Variants in NKX2-2 observed in about 807,000 individuals in gnomAD.
The protein encoded by NKX2-2 is NK2 homeobox 2.
A neutral mutation model predicts 24.6 loss-of-function variants in NKX2-2; 8 were observed. That is an observed-to-expected ratio of 0.32 (90% CI 0.19 to 0.59). The LOEUF is 0.59. Ranked by LOEUF, NKX2-2 falls within the 20% of genes least tolerant of loss-of-function variation. The pLI is 0.86. For missense variants in NKX2-2, 381 were observed against 373.9 expected (o/e 1.02, Z -0.16); for synonymous variants, 217 against 173.3 (o/e 1.25, Z -1.98).
Position 21,512,059 on chromosome 20 carries a change from T to G in NKX2-2, c.686A>C (p.Gln229Pro). 1 of 1,613,790 alleles carries G rather than the reference T, an allele frequency of 6.2e-7. No individual in the cohort carries two copies. Among genetic ancestry groups the G allele is most frequent in the Non-Finnish European group, 8.5e-7 (1 of 1,179,934 alleles). The change falls in exon 2 of 2, where the codon CAG (glutamine) becomes CCG (proline). Residue 229 changes from glutamine to proline, a missense_variant. Gln to Pro is a moderately conservative substitution (Grantham distance 76). Transcript: ENST00000377142. ...GTAGGCAGAAAAGGGAATGCCCGCCTGGAAGGTGGCGGCTGCCAGGTCCTG... is the reference window on the plus strand; with the variant it reads ...GTAGGCAGAAAAGGGAATGCCCGCCGGGAAGGTGGCGGCTGCCAGGTCCTG... ...KAQDLAAATF[Q>P]AGIPFSAYSA... is the part of the protein sequence containing the mutation.
chr20:21,519,178 A>G, the NKX2-2 span, among the ~76,000 whole-genome samples: 3 of 152,202 alleles, frequency 2.0e-5, no homozygotes, highest in Admixed American at 6.5e-5. Context: ...TGGAAACACT[A>G]ATTTGTTTGA....
Position 21,511,257 on chromosome 20 carries a change from A to AAAAACAAAAAACAAAAAC in NKX2-2, c.*665_*666insGTTTTTGTTTTTTGTTTT. ...AGAAAGCAGGGGAAAACGCAAAAAC[A>AAAAACAAAAAACAAAAAC]AAAACAAAACAAAAAACAAACCCAA... is the stretch of plus-strand genomic sequence containing the variant. On this transcript the variant is annotated 3_prime_UTR_variant, in exon 2 of 2. Transcript: ENST00000377142. 6.6e-6 allele frequency: 1 copy of AAAAACAAAAAACAAAAAC among 152,604 alleles called. No homozygotes were observed. Among genetic ancestry groups the AAAAACAAAAAACAAAAAC allele is most frequent in the African/African-American group, 2.4e-5 (1 of 41,442 alleles). The allele number at this position is 152,604 out of a possible 1,614,324, so 9.5% of individuals were successfully genotyped here.
rs1323083068 is a variant in NKX2-2, at chr20:21,512,199, C to T, written c.546G>A (p.Lys182=). ...VKIWFQNHRY[K]MKRARAEKGM... is the part of the protein sequence containing the mutation. Reference sequence around the variant, plus strand: ...CTTTCTCGGCCCGGGCGCGCTTCATCTTGTAGCGGTGGTTCTGGAACCAGA... The same window carrying T: ...CTTTCTCGGCCCGGGCGCGCTTCATTTTGTAGCGGTGGTTCTGGAACCAGA... Residue 182 remains lysine (K), a synonymous_variant, in exon 2 of 2, where the codon AAG becomes AAA. Transcript: ENST00000377142. 4 of 1,614,002 alleles carry T rather than the reference C, an allele frequency of 2.5e-6. No homozygotes were observed. Among genetic ancestry groups the T allele is most frequent in the Non-Finnish European group, 3.4e-6 (4 of 1,179,944 alleles).
At chr20:21,515,019 C>A (rs1441908272), upstream of NKX2-2, among the ~76,000 whole-genome samples, 1 of 151,818 alleles carries the variant, frequency 6.6e-6, no homozygotes, top group Non-Finnish European at 1.5e-5. Flanking sequence ...AAGGAGGACG[C>A]GCAGTTCACT....
At position 21,513,750 on chromosome 20, in the gene NKX2-2, G is replaced by C. The variant is rs1980528718; in HGVS notation, c.-81C>G. 8.4e-7 allele frequency: 1 copy of C among 1,193,266 alleles called. No individual in the cohort carries two copies. The highest frequency in any genetic ancestry group is 1.6e-5 in the African/African-American group (1 of 63,222). 73.9% of individuals were successfully genotyped at this position (1,193,266 alleles called of 1,614,324 possible). ...TGGCGCTCCCCTGCCCCGGCGGGCG[G>C]GGGAGGGGGGAGTTGGGGGGAGGGA... On this transcript the variant is annotated 5_prime_UTR_variant, in exon 1 of 2. Coordinates refer to ENST00000377142, the MANE Select transcript of NKX2-2 (RefSeq NM_002509.4). This position sits in a 1 kb window ranked among gnomAD's most constrained non-coding sequence, Gnocchi z 4.6.
the NKX2-2 span, among the ~76,000 whole-genome samples, chr20:21,522,654 T>C: frequency 6.6e-6 from 1 of 151,294 alleles, no homozygotes; most frequent in Non-Finnish European, 1.5e-5. Flanking sequence ...GGCTGCGGAG[T>C]CGCGGGCGGT....
At chr20:21,516,434 CG>C (rs1436207047), upstream of NKX2-2, among the ~76,000 whole-genome samples, 6 of 149,776 alleles carry the variant, frequency 4.0e-5, no homozygotes, top group African/African-American at 1.5e-4. Flanking sequence ...TCTTTCTCAG[CG>C]CCCCCCCTCC....
intron 1 of NKX2-2, among the ~76,000 whole-genome samples, chr20:21,512,967 G>A (rs1980497289): frequency 1.3e-5 from 2 of 152,148 alleles, no homozygotes; most frequent in African/African-American, 2.4e-5. Context: ...CTATGATCGC[G>A]CAGGGGGCAG....
At position 21,513,399 on chromosome 20, in the gene NKX2-2, T is replaced by C; in HGVS notation, c.259+12A>G. On this transcript the variant is annotated intron_variant, in intron 1 of 1. Coordinates refer to ENST00000377142, the MANE Select transcript of NKX2-2 (RefSeq NM_002509.4). This position sits in a 1 kb window ranked among gnomAD's most constrained non-coding sequence, Gnocchi z 4.6. ...GGGACCACGGCCTCGGCAGCCAAGT[T>C]TTGCTACTTACGGGAGTACTGAAGG... is the stretch of plus-strand genomic sequence containing the variant. 1 of 1,516,586 alleles carries C rather than the reference T, an allele frequency of 6.6e-7. No homozygotes were observed. Among genetic ancestry groups the C allele is most frequent in the African/African-American group, 1.4e-5 (1 of 70,894 alleles). The allele number at this position is 1,516,586 out of a possible 1,614,324, so 93.9% of individuals were successfully genotyped here.
At position 21,511,963 on chromosome 20, in the gene NKX2-2, G is replaced by C. The variant is rs746202072; in HGVS notation, c.782C>G (p.Thr261Arg). The change falls in exon 2 of 2, where the codon ACA (threonine) becomes AGA (arginine). Residue 261 changes from threonine to arginine, a missense_variant. Around this residue, in one of 3 missense-constraint regions of NKX2-2, gnomAD observed 139 missense variants for 121.7 expected, o/e 1.14. Transcript: ENST00000377142. ...YSSASTPQYPTAHPLVQAQQW... is the reference protein window; with the variant it reads ...YSSASTPQYPRAHPLVQAQQW... ...CTGGGCCTGGACCAGGGGGTGTGCTGTCGGGTACTGGGGGGTGCTGGCCGA... is the reference window on the plus strand; with the variant it reads ...CTGGGCCTGGACCAGGGGGTGTGCTCTCGGGTACTGGGGGGTGCTGGCCGA... 9 of 1,607,788 alleles carry C rather than the reference G, an allele frequency of 5.6e-6. No homozygotes were observed. Among genetic ancestry groups the C allele is most frequent in the Non-Finnish European group, 6.8e-6 (8 of 1,177,994 alleles).
upstream of NKX2-2, among the ~76,000 whole-genome samples, chr20:21,518,468 C>T (rs1297198468): frequency 6.6e-6 from 1 of 152,226 alleles, no homozygotes; most frequent in Non-Finnish European, 1.5e-5. Context: ...GCTCTGGGTT[C>T]CGCAACGAAT....
chr20:21,521,218 C>T, the NKX2-2 span, among the ~76,000 whole-genome samples: 1 of 152,084 alleles, frequency 6.6e-6, no homozygotes, highest in African/African-American at 2.4e-5. Flanking sequence ...CTAGACGCAA[C>T]GTCCCCTTTC....
chr20:21,515,605 G>A (rs990847570), upstream of NKX2-2, among the ~76,000 whole-genome samples: 1 of 151,788 alleles, frequency 6.6e-6, no homozygotes, highest in East Asian at 1.9e-4. Flanking sequence ...TTTGGGGGGG[G>A]GGTGCAGGGG....
Position 21,513,382 on chromosome 20 carries a change from G to T in NKX2-2, c.259+29C>A, listed in dbSNP as rs369499215. 1 of 1,503,448 alleles carries T rather than the reference G, an allele frequency of 6.7e-7. No homozygotes were observed. Among genetic ancestry groups the T allele is most frequent in the African/African-American group, 1.4e-5 (1 of 70,844 alleles). 93.1% of individuals were successfully genotyped at this position (1,503,448 alleles called of 1,614,324 possible). A position where few individuals can be genotyped will look rare whatever the true frequency, so the allele number is the denominator to read the frequency against. ...CGGCTGCAGGAATGGAGGGGACCAC[G>T]GCCTCGGCAGCCAAGTTTTGCTACT... On this transcript the variant is annotated intron_variant, in intron 1 of 1. Coordinates refer to ENST00000377142, the MANE Select transcript of NKX2-2 (RefSeq NM_002509.4). The surrounding 1 kb of genome is among the most constrained non-coding windows in gnomAD (Gnocchi z 4.6).
chr20:21,521,465 C>A, the NKX2-2 span, among the ~76,000 whole-genome samples: 7 of 152,166 alleles, frequency 4.6e-5, no homozygotes, highest in African/African-American at 1.7e-4. Context: ...AGTCTTCAGT[C>A]GCCTCTCCAG....
At chr20:21,515,130 G>C (rs554885323), upstream of NKX2-2, among the ~76,000 whole-genome samples, 281 of 152,232 alleles carry the variant, frequency 1.8e-3, 4 homozygotes, top group African/African-American at 6.2e-3. Flanking sequence ...GGCTCTGCGG[G>C]CCTCTTTCCC....
chr20:21,511,716 G>C lies in NKX2-2; in HGVS notation c.*207C>G. On this transcript the variant is annotated 3_prime_UTR_variant, in exon 2 of 2. Coordinates refer to ENST00000377142, the MANE Select transcript of NKX2-2 (RefSeq NM_002509.4). ...TCCCAAGGTTCAGAAGGAGAGGCAT[G>C]GGCAGAGCTGGGTGGGTGGAATCTG... 2.2e-6 allele frequency: 1 copy of C among 460,670 alleles called. No individual in the cohort carries two copies. The allele number at this position is 460,670 out of a possible 1,614,324, so 28.5% of individuals were successfully genotyped here.
At position 21,512,376 on chromosome 20, in the gene NKX2-2, C is replaced by A; in HGVS notation, c.369G>T (p.Gly123=). 2 of 1,603,072 alleles carry A rather than the reference C, an allele frequency of 1.2e-6. No individual in the cohort carries two copies. The highest frequency in any genetic ancestry group is 1.7e-4 in the Middle Eastern group (1 of 5,754). Residue 123 remains glycine, a synonymous_variant, in exon 2 of 2, where the codon GGG becomes GGT. Transcript: ENST00000377142. ...GCCGCTTTCGCTTCTTGCCGGCGTC[C>A]CCCCCGCCGCCCGGGGTCTCCTTGT... ...DNDKETPGGG[G]DAGKKRKRRV... is the part of the protein sequence containing the mutation.
the NKX2-2 span, among the ~76,000 whole-genome samples, chr20:21,522,592 T>C: frequency 1.3e-5 from 2 of 151,994 alleles, no homozygotes; most frequent in Non-Finnish European, 2.9e-5. Context: ...CGCTGGAGCC[T>C]CGGCTGGGCG....
Sources: gnomAD v4.1 joint callset for allele counts (sites outside exome capture counted in the v4.1 genomes callset) on GRCh38, gnomAD v4.1.1 for gene constraint, gnomAD v4.1.1 regional missense constraint, Gnocchi (gnomAD v3.1) non-coding constraint, MANE v1.5 for transcripts, NCBI Gene and HGNC (gene_info 2026-07-23, HGNC 2026-07-21) for gene names.